EXOC4: variants seen among roughly 807,000 people sequenced by gnomAD.
The protein encoded by EXOC4 is SEC8-like 1.
In EXOC4, 71 loss-of-function variants were observed where a neutral mutation model predicts 107.2. That is an observed-to-expected ratio of 0.66 (90% CI 0.55 to 0.81). EXOC4 has a LOEUF of 0.81. Ranked by LOEUF, EXOC4 falls within the 30% of genes least tolerant of loss-of-function variation. The pLI is 0.00. For missense variants in EXOC4, 1,108 were observed against 1,189.6 expected (o/e 0.93, Z 1.01); for synonymous variants, 456 against 441.2 (o/e 1.03, Z -0.42).
At chr7:133,347,484 C>T (rs529939674) in intron 5 of EXOC4, among the ~76,000 whole-genome samples, 8 of 152,188 alleles carry the variant, frequency 5.3e-5, no homozygotes, top group South Asian at 2.1e-4. Context: ...CCTCTTGATC[C>T]GCCTGCCTCA....
At chr7:134,003,279 G>C (rs1445620853) in intron 15 of EXOC4, among the ~76,000 whole-genome samples, 1 of 152,182 alleles carries the variant, frequency 6.6e-6, no homozygotes, top group Admixed American at 6.5e-5. Context: ...ATGAGTGGTT[G>C]CCAAAGGTTT....
At chr7:133,930,161 T>C (rs1197806166) in intron 13 of EXOC4, among the ~76,000 whole-genome samples, 1 of 152,234 alleles carries the variant, frequency 6.6e-6, no homozygotes, top group African/African-American at 2.4e-5. Flanking sequence ...TAATCTATTT[T>C]GAAGTTCAGG....
rs148499300 is a variant in EXOC4, at chr7:133,267,621, A to G, written c.87-7361A>G. On this transcript the variant is annotated intron_variant, in intron 1 of 17. Transcript: ENST00000253861. Reference sequence around the variant, plus strand: ...CCCTCACTAGAACATAAGCTTCATGAGGGAGGGATTGGTTTTGTTCATTGC... The same window carrying G: ...CCCTCACTAGAACATAAGCTTCATGGGGGAGGGATTGGTTTTGTTCATTGC... 8.9e-3 allele frequency among the ~76,000 whole-genome samples: 1,361 copies of G among 152,234 alleles called. 16 individuals are homozygous for G. The highest frequency in any genetic ancestry group is 0.031 in the Middle Eastern group (9 of 294).
intron 12 of EXOC4, among the ~76,000 whole-genome samples, chr7:133,907,259 T>C (rs1420025064): frequency 6.6e-6 from 1 of 152,248 alleles, no homozygotes; most frequent in African/African-American, 2.4e-5. Flanking sequence ...GAGCTTTTAT[T>C]GTGTGCTCCT....
intron 10 of EXOC4, among the ~76,000 whole-genome samples, chr7:133,676,883 T>A (rs1448361093): frequency 1.3e-5 from 2 of 151,248 alleles, no homozygotes; most frequent in Non-Finnish European, 2.9e-5. Context: ...AAAGTTATAT[T>A]CATTTAATCA....
At chr7:133,776,325 G>T (rs911579784) in intron 10 of EXOC4, among the ~76,000 whole-genome samples, 2 of 152,282 alleles carry the variant, frequency 1.3e-5, no homozygotes, top group South Asian at 4.1e-4. Context: ...CTCCTTTTCT[G>T]ATCCTGCCAA....
chr7:133,756,953 G>A (rs1029185881), intron 10 of EXOC4, among the ~76,000 whole-genome samples: 2 of 152,190 alleles, frequency 1.3e-5, no homozygotes, highest in Non-Finnish European at 2.9e-5. Flanking sequence ...TCTAGAATGA[G>A]AAGGGGAAAA....
At chr7:133,504,388 G>A (rs1029445799) in intron 9 of EXOC4, among the ~76,000 whole-genome samples, 2 of 152,190 alleles carry the variant, frequency 1.3e-5, no homozygotes, top group African/African-American at 4.8e-5. Flanking sequence ...CTCCTTTAAT[G>A]TGAAGATTTT....
intron 17 of EXOC4, among the ~76,000 whole-genome samples, chr7:134,017,973 G>A (rs1475237878): frequency 6.6e-6 from 1 of 152,186 alleles, no homozygotes; most frequent in Non-Finnish European, 1.5e-5. Flanking sequence ...TCAGAGATTA[G>A]CATAGATAGC....
At chr7:133,459,828 A>G (rs1194257988) in intron 7 of EXOC4, among the ~76,000 whole-genome samples, 1 of 152,210 alleles carries the variant, frequency 6.6e-6, no homozygotes, top group Non-Finnish European at 1.5e-5. Context: ...CAGACATATC[A>G]TTTAAATACA....
At chr7:133,670,509 G>T (rs1385938808) in intron 10 of EXOC4, among the ~76,000 whole-genome samples, 1 of 152,194 alleles carries the variant, frequency 6.6e-6, no homozygotes, top group Non-Finnish European at 1.5e-5. Context: ...CGTCTGTTGA[G>T]CCTCCAAACA....
At chr7:133,534,420 T>TA (rs1431746392) in intron 9 of EXOC4, among the ~76,000 whole-genome samples, 2 of 152,168 alleles carry the variant, frequency 1.3e-5, no homozygotes, top group African/African-American at 4.8e-5. Context: ...ACTGTCACAT[T>TA]AACATCATTC....
At chr7:133,485,888 A>G (rs1799260864) in intron 9 of EXOC4, among the ~76,000 whole-genome samples, 1 of 152,150 alleles carries the variant, frequency 6.6e-6, no homozygotes, top group African/African-American at 2.4e-5. Flanking sequence ...AAAACTCATG[A>G]ATGAGTAAGA....
intron 7 of EXOC4, among the ~76,000 whole-genome samples, chr7:133,449,919 A>G (rs147711912): frequency 4.0e-5 from 6 of 151,764 alleles, no homozygotes; most frequent in Non-Finnish European, 7.4e-5. Flanking sequence ...ATTTTATTTT[A>G]TGGAATATCA....
At position 133,822,332 on chromosome 7, in the gene EXOC4, A is replaced by G. The variant is rs141007979; in HGVS notation, c.1734+4788A>G. Among the ~76,000 whole-genome samples, 1,423 of 147,884 alleles carry G rather than the reference A, an allele frequency of 9.6e-3. 23 individuals are homozygous for G. Among genetic ancestry groups the G allele is most frequent in the African/African-American group, 0.036 (1,364 of 37,394 alleles). ...ATTCAGTTCATTTCCCTGGTTTACCATTGATTTGGAGATGCCATTTAATTT... is the reference window on the plus strand; with the variant it reads ...ATTCAGTTCATTTCCCTGGTTTACCGTTGATTTGGAGATGCCATTTAATTT... On this transcript the variant is annotated intron_variant, in intron 11 of 17. Coordinates refer to ENST00000253861, the MANE Select transcript of EXOC4 (RefSeq NM_021807.4).
chr7:133,325,077 A>G (rs976360887), intron 5 of EXOC4, among the ~76,000 whole-genome samples: 5 of 152,068 alleles, frequency 3.3e-5, no homozygotes, highest in African/African-American at 1.2e-4. Flanking sequence ...ATTTTCCTCC[A>G]TCCCTCTATT....
At chr7:133,559,490 G>T (rs1800767387) in intron 9 of EXOC4, among the ~76,000 whole-genome samples, 1 of 152,098 alleles carries the variant, frequency 6.6e-6, no homozygotes, top group Admixed American at 6.5e-5. Context: ...TTGTTGGTCA[G>T]TTCTGTCCAT....
At chr7:133,499,230 G>A (rs2150885087) in intron 9 of EXOC4, among the ~76,000 whole-genome samples, 1 of 151,664 alleles carries the variant, frequency 6.6e-6, no homozygotes. Flanking sequence ...TGTTTAAAAT[G>A]TGTGTTTATC....
intron 9 of EXOC4, among the ~76,000 whole-genome samples, chr7:133,553,066 TG>T (rs1037168840): frequency 6.6e-6 from 1 of 152,154 alleles, no homozygotes; most frequent in Non-Finnish European, 1.5e-5. Flanking sequence ...TATGTGACAC[TG>T]GGCAACTTAC....
Sources: allele counts gnomAD v4.1 joint callset (sites outside exome capture counted in the v4.1 genomes callset), GRCh38; gene constraint gnomAD v4.1.1; transcripts MANE v1.5; gene names NCBI Gene and HGNC (gene_info 2026-07-23, HGNC 2026-07-21).